The following RCAN2 variants were observed in gnomAD, a reference collection of about 807,000 sequenced individuals.
RCAN2 encodes the protein regulator of calcineurin 2.
In RCAN2, 9 loss-of-function variants were observed where a neutral mutation model predicts 23.6. The ratio of observed to expected loss-of-function variants is 0.38; its 90% CI spans 0.23 to 0.67. The LOEUF is 0.67. RCAN2 is among the 30% of genes least tolerant of loss of function. The pLI is 0.51. For synonymous variants in RCAN2, 109 were observed against 115.7 expected (o/e 0.94, Z 0.37); for missense variants, 273 against 302.3 (o/e 0.90, Z 0.72).
intron 2 of RCAN2, among the ~76,000 whole-genome samples, chr6:46,328,554 C>G (rs1763865834): frequency 6.6e-6 from 1 of 152,162 alleles, no homozygotes; most frequent in South Asian, 2.1e-4. Context: ...TTCCTATTGG[C>G]TAGAGAGCCC....
chr6:46,477,682 T>A (rs1253346818), intron 1 of RCAN2, among the ~76,000 whole-genome samples: 1 of 152,160 alleles, frequency 6.6e-6, no homozygotes, highest in African/African-American at 2.4e-5. Context: ...TGTAACAAAG[T>A]ATAAAAATAA....
chr6:46,347,122 G>T (rs1021302476), intron 2 of RCAN2, among the ~76,000 whole-genome samples: 2 of 152,120 alleles, frequency 1.3e-5, no homozygotes, highest in African/African-American at 4.8e-5. Context: ...TGATCCACCT[G>T]CCTCGGCCTC....
Position 46,242,648 on chromosome 6 carries a change from A to G in RCAN2, c.571+4100T>C, listed in dbSNP as rs140602863. 2.6e-4 allele frequency among the ~76,000 whole-genome samples: 39 copies of G among 152,320 alleles called. No individual in the cohort carries two copies. In the East Asian group the frequency reaches 7.3e-3, roughly 29 times the overall value. ...CTGGAACTGAGGTAGTCATTCTTTAACATGCAATTAGTTATAATTTGTTAC... is the reference window on the plus strand; with the variant it reads ...CTGGAACTGAGGTAGTCATTCTTTAGCATGCAATTAGTTATAATTTGTTAC... On this transcript the variant is annotated intron_variant, in intron 4 of 4. Coordinates refer to ENST00000371374, the MANE Select transcript of RCAN2 (RefSeq NM_001251974.2).
intron 2 of RCAN2, among the ~76,000 whole-genome samples, chr6:46,357,571 C>T (rs1323040842): frequency 6.6e-6 from 1 of 152,098 alleles, no homozygotes; most frequent in Non-Finnish European, 1.5e-5. Context: ...TTGCTTATTG[C>T]ATGTCAGGCA....
At chr6:46,321,719 A>G (rs1379037016) in intron 2 of RCAN2, among the ~76,000 whole-genome samples, 1 of 152,232 alleles carries the variant, frequency 6.6e-6, no homozygotes, top group East Asian at 1.9e-4. Flanking sequence ...GGCCCCCCAC[A>G]GTGGCCAGCA....
rs529529788 is a variant in RCAN2, at chr6:46,252,047, C to T, written c.226-3151G>A. Among the ~76,000 whole-genome samples, 11 of 152,150 alleles carry T rather than the reference C, an allele frequency of 7.2e-5. No individual in the cohort carries two copies. In the South Asian group the frequency reaches 2.3e-3, roughly 32 times the overall value. ...TCCTCTCTTTTCAGGCCTTTTGGGA[C>T]CTTTATTTGTAGGGGTGACAGTTGT... On this transcript the variant is annotated intron_variant, in intron 2 of 4. Coordinates refer to ENST00000371374, the MANE Select transcript of RCAN2 (RefSeq NM_001251974.2).
At chr6:46,284,211 C>T (rs933659292) in intron 2 of RCAN2, among the ~76,000 whole-genome samples, 1 of 152,056 alleles carries the variant, frequency 6.6e-6, no homozygotes, top group African/African-American at 2.4e-5. Context: ...GTTAAGAACT[C>T]AAATAACAAT....
chr6:46,426,421 A>G lies in RCAN2; in HGVS notation c.225+30331T>C, dbSNP rs193252841. Among the ~76,000 whole-genome samples the G allele has an allele frequency of 1.3e-4, 20 of 152,326 alleles. No individual in the cohort carries two copies. The East Asian group carries it at 2.7e-3, about 21-fold the overall frequency. On this transcript the variant is annotated intron_variant, in intron 2 of 4. Coordinates refer to ENST00000371374, the MANE Select transcript of RCAN2 (RefSeq NM_001251974.2). Reference sequence around the variant, plus strand: ...TAAAGACACAGGAATTTTTGGATAAATGTTAATTCTTTTCATCATCAAGCA... The same window carrying G: ...TAAAGACACAGGAATTTTTGGATAAGTGTTAATTCTTTTCATCATCAAGCA...
chr6:46,425,970 C>T (rs1207580762), intron 2 of RCAN2, among the ~76,000 whole-genome samples: 1 of 147,936 alleles, frequency 6.8e-6, no homozygotes, highest in African/African-American at 2.5e-5. Context: ...ACAATCTTGG[C>T]TCACTGCAAC....
At chr6:46,232,790 C>CAAAAAAAAAAAAAAAAA (rs35457944) in intron 4 of RCAN2, among the ~76,000 whole-genome samples, 1 of 89,210 alleles carries the variant, frequency 1.1e-5, no homozygotes. Context: ...AAGACTGTCT[C>CAAAAAAAAAAAAAAAAA]AAAAAAAAAA....
At chr6:46,429,866 G>A (rs997394065) in intron 2 of RCAN2, among the ~76,000 whole-genome samples, 3 of 152,196 alleles carry the variant, frequency 2.0e-5, no homozygotes, top group Non-Finnish European at 4.4e-5. Flanking sequence ...GATGCGGCTG[G>A]CAGTGTATAT....
intron 2 of RCAN2, among the ~76,000 whole-genome samples, chr6:46,304,633 A>G (rs1176629477): frequency 1.3e-5 from 2 of 152,150 alleles, no homozygotes; most frequent in Admixed American, 1.3e-4. Flanking sequence ...AGGGGTCGGA[A>G]TAAAAGAAGC....
intron 1 of RCAN2, chr6:46,468,691 G>A (rs1768463133): frequency 2.2e-6 from 1 of 448,480 alleles, no homozygotes; most frequent in African/African-American, 2.1e-5. Flanking sequence ...CTGATATGCT[G>A]TGCTGACGAG....
Position 46,446,503 on chromosome 6 carries a change from C to T in RCAN2, c.225+10249G>A, listed in dbSNP as rs146066983. ...GATGCTAATTAGTAATACAGTCAAG[C>T]ATAGGAAAGTATAAAATTTGCTGGT... On this transcript the variant is annotated intron_variant, in intron 2 of 4. Coordinates refer to ENST00000371374, the MANE Select transcript of RCAN2 (RefSeq NM_001251974.2). Among the ~76,000 whole-genome samples the T allele has an allele frequency of 4.0e-3, 611 of 152,190 alleles. 7 individuals carry two copies. Among genetic ancestry groups the T allele is most frequent in the Non-Finnish European group, 7.1e-3 (486 of 67,988 alleles).
intron 2 of RCAN2, among the ~76,000 whole-genome samples, chr6:46,360,331 G>A (rs1374913434): frequency 8.6e-5 from 13 of 151,924 alleles, no homozygotes; most frequent in Non-Finnish European, 1.5e-5. Flanking sequence ...AGGAGGTGGA[G>A]ACCATGCTGG....
At chr6:46,348,009 C>G (rs906164324) in intron 2 of RCAN2, among the ~76,000 whole-genome samples, 27 of 152,022 alleles carry the variant, frequency 1.8e-4, no homozygotes, top group Admixed American at 1.7e-3. Flanking sequence ...ACAGCGTGGC[C>G]GAGTACAGGA....
At chr6:46,252,050 T>A (rs2150320421) in intron 2 of RCAN2, among the ~76,000 whole-genome samples, 3 of 152,258 alleles carry the variant, frequency 2.0e-5, no homozygotes, top group Admixed American at 2.0e-4. Flanking sequence ...TTTGGGACCT[T>A]TATTTGTAGG....
At chr6:46,375,344 C>T (rs1319440504) in intron 2 of RCAN2, among the ~76,000 whole-genome samples, 6 of 152,286 alleles carry the variant, frequency 3.9e-5, no homozygotes, top group Middle Eastern at 3.4e-3. Flanking sequence ...CCACATTTAT[C>T]ACTTATGCTT....
At chr6:46,326,912 A>C (rs1404367691) in intron 2 of RCAN2, among the ~76,000 whole-genome samples, 1 of 152,232 alleles carries the variant, frequency 6.6e-6, no homozygotes, top group African/African-American at 2.4e-5. Context: ...TGCTAAAGGT[A>C]ATCAGGCCAC....
Sources: gnomAD v4.1 joint callset for allele counts (sites outside exome capture counted in the v4.1 genomes callset) on GRCh38, gnomAD v4.1.1 for gene constraint, MANE v1.5 for transcripts, NCBI Gene and HGNC (gene_info 2026-07-23, HGNC 2026-07-21) for gene names.